CCDC85A: variants seen among roughly 807,000 people sequenced by gnomAD.
CCDC85A encodes the protein coiled-coil domain containing 85A, also known as coiled-coil domain-containing protein 85A.
Under a neutral mutation model 50.2 loss-of-function variants are expected in CCDC85A, and 38 were observed. That is an observed-to-expected ratio of 0.76 (90% CI 0.58 to 0.99). The LOEUF is 0.99. Ranked by LOEUF, CCDC85A falls within the 50% of genes least tolerant of loss-of-function variation. The pLI is 0.00. For missense variants in CCDC85A, 820 were observed against 742.0 expected (o/e 1.11, Z -1.22); for synonymous variants, 366 against 301.4 (o/e 1.21, Z -2.22).
chr2:56,358,415 TC>T (rs766254044), intron 3 of CCDC85A, among the ~76,000 whole-genome samples: 80 of 152,220 alleles, frequency 5.3e-4, no homozygotes, highest in Non-Finnish European at 6.5e-4. Flanking sequence ...ATTTACTGCT[TC>T]CGTTTAAGCA....
At chr2:56,337,986 T>C (rs1429571301) in intron 2 of CCDC85A, among the ~76,000 whole-genome samples, 1 of 152,090 alleles carries the variant, frequency 6.6e-6, no homozygotes, top group Non-Finnish European at 1.5e-5. Flanking sequence ...GGTTTCACCA[T>C]GTTGGCCAGG....
rs577264483 is a variant in CCDC85A, at chr2:56,380,597, A to C, written c.1573-3669A>C. On this transcript the variant is annotated intron_variant, in intron 5 of 5. Transcript: ENST00000407595. ...AACAACAACAGGATAGACAAATAGA[A>C]ATCTATTCATGAAGTCAGAGACCAC... Among the ~76,000 whole-genome samples the C allele has an allele frequency of 2.0e-5, 3 of 151,842 alleles. No individual in the cohort carries two copies. The South Asian group carries it at 6.2e-4, about 32-fold the overall frequency.
intron 2 of CCDC85A, among the ~76,000 whole-genome samples, chr2:56,211,473 T>A (rs1677176212): frequency 6.6e-6 from 1 of 152,072 alleles, no homozygotes; most frequent in East Asian, 1.9e-4. Context: ...ATCCTGTGGG[T>A]GTTATCACTA....
At chr2:56,284,372 A>C (rs1265987321) in intron 2 of CCDC85A, among the ~76,000 whole-genome samples, 1 of 152,060 alleles carries the variant, frequency 6.6e-6, no homozygotes, top group African/African-American at 2.4e-5. Flanking sequence ...ATAACGTTCA[A>C]ATCTTCTTAT....
chr2:56,296,621 T>C (rs1671961381), intron 2 of CCDC85A, among the ~76,000 whole-genome samples: 1 of 152,138 alleles, frequency 6.6e-6, no homozygotes, highest in African/African-American at 2.4e-5. Context: ...AAGGCTTTTG[T>C]CAGGATTCTG....
chr2:56,311,164 C>T (rs143849907), intron 2 of CCDC85A, among the ~76,000 whole-genome samples: 2 of 152,040 alleles, frequency 1.3e-5, no homozygotes, highest in Non-Finnish European at 2.9e-5. Context: ...ATTCTTGGTT[C>T]CCTGGTGATA....
intron 2 of CCDC85A, among the ~76,000 whole-genome samples, chr2:56,207,665 T>A (rs1446415485): frequency 2.6e-5 from 4 of 152,166 alleles, no homozygotes; most frequent in African/African-American, 9.7e-5. Flanking sequence ...TTGGTGTATC[T>A]TTGAAAACTT....
chr2:56,279,255 A>T (rs1265425534), intron 2 of CCDC85A, among the ~76,000 whole-genome samples: 1 of 152,206 alleles, frequency 6.6e-6, no homozygotes, highest in Admixed American at 6.5e-5. Context: ...TTTTAAAAAA[A>T]ATTTTATGGA....
At chr2:56,270,422 A>C (rs1222799372) in intron 2 of CCDC85A, among the ~76,000 whole-genome samples, 1 of 152,338 alleles carries the variant, frequency 6.6e-6, no homozygotes, top group African/African-American at 2.4e-5. Context: ...ATGTGATCAT[A>C]ATATGCCAAA....
intron 2 of CCDC85A, 98 bp downstream of exon 2, chr2:56,193,538 G>A (rs1019224627): frequency 1.1e-4 from 142 of 1,345,352 alleles, no homozygotes; most frequent in Middle Eastern, 2.7e-4. Flanking sequence ...AAGTGCAGGC[G>A]CTAGCTAGGG....
chr2:56,324,317 C>G (rs1673360460), intron 2 of CCDC85A, among the ~76,000 whole-genome samples: 1 of 152,142 alleles, frequency 6.6e-6, no homozygotes, highest in South Asian at 2.1e-4. Context: ...TGTTTAAAAT[C>G]TTGCATGACT....
At chr2:56,218,023 C>T (rs1017818042) in intron 2 of CCDC85A, among the ~76,000 whole-genome samples, 3 of 151,820 alleles carry the variant, frequency 2.0e-5, no homozygotes. Flanking sequence ...GGTTTGGCGA[C>T]ATATGGTACC....
At chr2:56,347,172 T>A (rs1248919602) in intron 3 of CCDC85A, among the ~76,000 whole-genome samples, 1 of 152,200 alleles carries the variant, frequency 6.6e-6, no homozygotes, top group African/African-American at 2.4e-5. Context: ...ATCATCAATT[T>A]CCAGAGCTGG....
chr2:56,363,967 ACTAT>A (rs761798894), intron 3 of CCDC85A, among the ~76,000 whole-genome samples: 9 of 152,200 alleles, frequency 5.9e-5, no homozygotes, highest in Non-Finnish European at 8.8e-5. Flanking sequence ...ATAACCTTTT[ACTAT>A]TTAATACCAG....
chr2:56,344,830 T>C (rs1438934320), intron 3 of CCDC85A, among the ~76,000 whole-genome samples: 2 of 151,352 alleles, frequency 1.3e-5, no homozygotes, highest in Non-Finnish European at 2.9e-5. Context: ...GTAAAAGAAA[T>C]AGAAAAAAAA....
At chr2:56,270,162 T>G (rs538168372) in intron 2 of CCDC85A, among the ~76,000 whole-genome samples, 1 of 152,240 alleles carries the variant, frequency 6.6e-6, no homozygotes, top group Admixed American at 6.5e-5. Context: ...TTTAGACTAA[T>G]GAGTGGTAGA....
intron 2 of CCDC85A, among the ~76,000 whole-genome samples, chr2:56,218,166 A>G (rs17268653): frequency 0.02 from 3,033 of 152,006 alleles, 53 homozygotes; most frequent in South Asian, 0.047. Flanking sequence ...CAGCAAATCT[A>G]TCATACCTTG....
chr2:56,238,329 A>G (rs776030512), intron 2 of CCDC85A, among the ~76,000 whole-genome samples: 35 of 152,094 alleles, frequency 2.3e-4, no homozygotes, highest in Admixed American at 3.9e-4. Context: ...AGGCAGGAGA[A>G]TCACTTGAAC....
At chr2:56,357,655 CTTTT>C (rs67738219) in intron 3 of CCDC85A, among the ~76,000 whole-genome samples, 4 of 114,638 alleles carry the variant, frequency 3.5e-5, no homozygotes, top group African/African-American at 1.4e-4. Context: ...TGTCCATTTC[CTTTT>C]TTTTTTTTTT....
Sources: allele counts gnomAD v4.1 joint callset (sites outside exome capture counted in the v4.1 genomes callset), GRCh38; gene constraint gnomAD v4.1.1; transcripts MANE v1.5; gene names NCBI Gene and HGNC (gene_info 2026-07-23, HGNC 2026-07-21).